The following TBC1D32 variants were observed in gnomAD, a reference collection of about 807,000 sequenced individuals.
The protein encoded by TBC1D32 is protein broad-minded.
Under a neutral mutation model 170.3 loss-of-function variants are expected in TBC1D32, and 151 were observed. The observed-to-expected ratio is 0.89, with a 90% CI of 0.78 to 1.01. TBC1D32 has a LOEUF of 1.01. TBC1D32 is among the 50% of genes least tolerant of loss of function. The pLI is 0.00. For missense variants in TBC1D32, 1,464 were observed against 1,457.1 expected (o/e 1.00, Z -0.08); for synonymous variants, 498 against 488.0 (o/e 1.02, Z -0.27).
intron 26 of TBC1D32, among the ~76,000 whole-genome samples, chr6:121,124,771 AT>A (rs58989299): frequency 0.95 from 144,008 of 151,688 alleles, 68,757 homozygotes; most frequent in Non-Finnish European, 1. Flanking sequence ...AAGCTCACTG[AT>A]TTTTTTTTCT....
intron 24 of TBC1D32, among the ~76,000 whole-genome samples, chr6:121,157,607 T>C (rs1489506281): frequency 2.0e-5 from 3 of 152,150 alleles, no homozygotes; most frequent in Non-Finnish European, 4.4e-5. Flanking sequence ...GTCTGTGAGT[T>C]ATGTGCTTTA....
intron 24 of TBC1D32, 79 bp downstream of exon 24, chr6:121,159,931 T>C (rs749480159): frequency 2.0e-5 from 19 of 963,164 alleles, no homozygotes; most frequent in Non-Finnish European, 2.4e-5. Context: ...TCAATATTCA[T>C]CTTCCTTAAT....
intron 30 of TBC1D32, among the ~76,000 whole-genome samples, chr6:121,093,059 A>C (rs1272096890): frequency 6.6e-6 from 1 of 152,162 alleles, no homozygotes; most frequent in East Asian, 1.9e-4. Flanking sequence ...CAAAGAGCCC[A>C]TAAGTTTTAA....
intron 22 of TBC1D32, among the ~76,000 whole-genome samples, chr6:121,171,687 C>T (rs1012775958): frequency 6.6e-6 from 1 of 151,896 alleles, no homozygotes; most frequent in Non-Finnish European, 1.5e-5. Context: ...GGAGATGAAA[C>T]AAGACTGGTG....
intron 20 of TBC1D32, among the ~76,000 whole-genome samples, chr6:121,232,642 G>C (rs1795889797): frequency 6.6e-6 from 1 of 151,916 alleles, no homozygotes; most frequent in Non-Finnish European, 1.5e-5. Context: ...TCATGTCTTT[G>C]GTTAGGTATG....
chr6:121,093,288 G>A (rs1431618314), intron 30 of TBC1D32, among the ~76,000 whole-genome samples: 1 of 152,068 alleles, frequency 6.6e-6, no homozygotes, highest in Non-Finnish European at 1.5e-5. Flanking sequence ...AGTGGACTGA[G>A]GAAGAAGTAT....
At chr6:121,300,350 G>A (rs975462599) in intron 9 of TBC1D32, among the ~76,000 whole-genome samples, 1 of 152,108 alleles carries the variant, frequency 6.6e-6, no homozygotes, top group Admixed American at 6.6e-5. Flanking sequence ...AGGAGGCTGA[G>A]GCAGAAGAAT....
intron 4 of TBC1D32, among the ~76,000 whole-genome samples, chr6:121,308,843 G>A (rs1010115922): frequency 3.3e-5 from 5 of 151,932 alleles, no homozygotes; most frequent in African/African-American, 1.2e-4. Context: ...TATGACCCAA[G>A]GGAAAGTAGT....
At chr6:121,081,141 A>C (rs773999399) in intron 31 of TBC1D32, among the ~76,000 whole-genome samples, 3 of 152,202 alleles carry the variant, frequency 2.0e-5, no homozygotes, top group Non-Finnish European at 4.4e-5. Context: ...CTACCAAAAA[A>C]ACAAAAGCAG....
At chr6:121,199,687 GTCA>G (rs1233719738) in intron 22 of TBC1D32, among the ~76,000 whole-genome samples, 4 of 151,078 alleles carry the variant, frequency 2.6e-5, no homozygotes, top group Admixed American at 2.6e-4. Flanking sequence ...GGATGGTTTT[GTCA>G]TCATGTTATA....
At chr6:121,110,168 G>A (rs1415765294) in intron 29 of TBC1D32, among the ~76,000 whole-genome samples, 3 of 151,002 alleles carry the variant, frequency 2.0e-5, no homozygotes, top group African/African-American at 7.3e-5. Flanking sequence ...GGAGAATGGC[G>A]TGAACCCAGG....
intron 30 of TBC1D32, among the ~76,000 whole-genome samples, chr6:121,094,353 G>T (rs995262715): frequency 3.3e-5 from 5 of 151,938 alleles, no homozygotes; most frequent in African/African-American, 9.7e-5. Context: ...TTTTAGTAGA[G>T]ACAGGGTTTC....
intron 21 of TBC1D32, among the ~76,000 whole-genome samples, chr6:121,208,288 T>A (rs903637784): frequency 6.6e-6 from 1 of 152,032 alleles, no homozygotes; most frequent in Non-Finnish European, 1.5e-5. Flanking sequence ...GAGGTTTAAT[T>A]AACTCACAGT....
At chr6:121,284,731 T>A (rs562243850) in intron 12 of TBC1D32, among the ~76,000 whole-genome samples, 43 of 152,242 alleles carry the variant, frequency 2.8e-4, no homozygotes, top group South Asian at 1.7e-3. Flanking sequence ...TAATATCTGG[T>A]AGGCCAAAAT....
chr6:121,317,504 T>A lies in TBC1D32; in HGVS notation c.486A>T (p.Ser162=). Residue 162 remains serine, a synonymous_variant, in exon 3 of 32, where the codon TCA becomes TCT. Transcript: ENST00000398212. ...RTDNCSDSDS[S]LNQSYKFCQG... ...AAACTGAACAACACACCTGATTCAA[T>A]GATGAATCACTATCAGAGCAATTGT... The A allele has an allele frequency of 6.3e-7, 1 of 1,596,512 alleles. No individual in the cohort carries two copies. Among genetic ancestry groups the A allele is most frequent in the South Asian group, 1.1e-5 (1 of 87,462 alleles).
At chr6:121,218,075 A>G (rs1182709658) in intron 21 of TBC1D32, among the ~76,000 whole-genome samples, 1 of 152,188 alleles carries the variant, frequency 6.6e-6, no homozygotes, top group Non-Finnish European at 1.5e-5. Context: ...GGTTCTAAAT[A>G]TAAAACTGGC....
rs528263376 is a variant in TBC1D32, at chr6:121,119,074, A to G, written c.2984-3833T>C. On this transcript the variant is annotated intron_variant, in intron 26 of 31. Coordinates refer to ENST00000398212, the MANE Select transcript of TBC1D32 (RefSeq NM_152730.6). ...CTCTCTATTAACGCTTCCTCCTCTT[A>G]TTTTCCATGATGGCACCAATTTGAC... is the stretch of plus-strand genomic sequence containing the variant. Among the ~76,000 whole-genome samples the G allele has an allele frequency of 1.9e-4, 29 of 152,034 alleles. 1 individual carries two copies.
chr6:121,229,794 C>A (rs1029905087), intron 20 of TBC1D32, among the ~76,000 whole-genome samples: 5 of 152,062 alleles, frequency 3.3e-5, no homozygotes, highest in Non-Finnish European at 7.4e-5. Context: ...TTTGTCCCTA[C>A]CCAAATCTCA....
chr6:121,247,627 C>A (rs1220924689), intron 17 of TBC1D32, among the ~76,000 whole-genome samples: 1 of 130,854 alleles, frequency 7.6e-6, no homozygotes, highest in Non-Finnish European at 1.6e-5. Flanking sequence ...AAAAGACATT[C>A]CACACAAATA....
Sources: allele counts gnomAD v4.1 joint callset (sites outside exome capture counted in the v4.1 genomes callset), GRCh38; gene constraint gnomAD v4.1.1; transcripts MANE v1.5; gene names NCBI Gene and HGNC (gene_info 2026-07-23, HGNC 2026-07-21).